The following TEX11 variants were observed in gnomAD, a reference collection of about 807,000 sequenced individuals.
The protein encoded by TEX11 is testis expressed 11.
A neutral mutation model predicts 84.4 loss-of-function variants in TEX11; 7 were observed. The observed-to-expected ratio is 0.08, with a 90% CI of 0.05 to 0.16. TEX11 has a LOEUF of 0.16. Among genes scored for constraint, TEX11 ranks in the 10% least tolerant of loss-of-function variants. The pLI, the probability that TEX11 is intolerant of heterozygous loss-of-function variation, is 1.00. For synonymous variants in TEX11, 264 were observed against 222.8 expected (o/e 1.18, Z -1.64); for missense variants, 551 against 660.5 (o/e 0.83, Z 1.82).
chrX:70,906,082 AAAAAAAAAATATATATAT>A (rs2091830352), intron 2 of TEX11, among the ~76,000 whole-genome samples: 1 of 16,468 alleles, frequency 6.1e-5, no homozygotes, highest in Non-Finnish European at 8.9e-5. Context: ...AAAAAAAAAA[AAAAAAAAAATATATATAT>A]ATATATATAT....
chrX:70,743,758 C>G (rs1217021888), intron 10 of TEX11, among the ~76,000 whole-genome samples: 1 of 108,937 alleles, frequency 9.2e-6, no homozygotes, highest in East Asian at 2.9e-4. Context: ...TGCCTGTAGT[C>G]CTAGCTACTT....
chrX:70,538,939 C>T (rs1210379617), intron 28 of TEX11, among the ~76,000 whole-genome samples: 1 of 100,503 alleles, frequency 9.9e-6, no homozygotes, highest in African/African-American at 3.6e-5. Context: ...TGAAATTGAA[C>T]AAGTAGAAGG....
intron 16 of TEX11, among the ~76,000 whole-genome samples, chrX:70,668,350 G>A (rs144424100): frequency 0.01 from 1,124 of 112,124 alleles, 13 homozygotes; most frequent in African/African-American, 0.034. Flanking sequence ...AGCTAACAAA[G>A]GTTAGACACT....
the TEX11 span, among the ~76,000 whole-genome samples, chrX:70,513,525 A>G: frequency 9.4e-6 from 1 of 106,568 alleles, no homozygotes; most frequent in East Asian, 2.9e-4. Flanking sequence ...GGATTGTCCT[A>G]TGTTGCCCCA....
chrX:70,810,344 G>A (rs751798499), intron 8 of TEX11, among the ~76,000 whole-genome samples: 6 of 111,910 alleles, frequency 5.4e-5, no homozygotes, highest in African/African-American at 1.9e-4. Flanking sequence ...ACATACACAC[G>A]TATGTTTATT....
intron 13 of TEX11, among the ~76,000 whole-genome samples, chrX:70,706,692 T>C (rs1391664588): frequency 4.5e-5 from 5 of 111,359 alleles, no homozygotes; most frequent in Non-Finnish European, 9.4e-5. Context: ...ATGCATATTA[T>C]TTTATCTCTG....
intron 28 of TEX11, among the ~76,000 whole-genome samples, chrX:70,545,818 G>A (rs972706334): frequency 2.2e-4 from 24 of 111,415 alleles, no homozygotes; most frequent in African/African-American, 6.2e-4. Flanking sequence ...TAGGTGACAG[G>A]AATTTTTCAG....
At chrX:70,745,506 G>A (rs942162244) in intron 9 of TEX11, among the ~76,000 whole-genome samples, 3 of 110,324 alleles carry the variant, frequency 2.7e-5, no homozygotes, top group Non-Finnish European at 5.7e-5. Flanking sequence ...ATCCTGAGGC[G>A]GTTGGATCAC....
chrX:70,751,081 C>G lies in TEX11; in HGVS notation c.693-6862G>C, dbSNP rs1305697410. The stretch of plus-strand genomic sequence containing the variant: ...TGTGGAAGACAGTGTGGCGATACCT[C>G]AAGGATCTAGAACTAGAAATACCAT... On this transcript the variant is annotated intron_variant, in intron 9 of 29. Transcript: ENST00000374333. Among the ~76,000 whole-genome samples the G allele has an allele frequency of 6.8e-5, 7 of 103,308 alleles. No homozygotes were observed. In the East Asian group the frequency reaches 1.6e-3, roughly 23 times the overall value. 89.7% of individuals were successfully genotyped at this position (103,308 alleles called of 115,157 possible). A position where few individuals can be genotyped will look rare whatever the true frequency, so the allele number is the denominator to read the frequency against.
chrX:70,873,050 T>C (rs1380211705), intron 4 of TEX11, among the ~76,000 whole-genome samples, 173 bp downstream of exon 4: 1 of 111,537 alleles, frequency 9.0e-6, no homozygotes, highest in East Asian at 2.8e-4. Context: ...AAAAAAATCA[T>C]AAAACTGAGG....
chrX:70,607,128 AAC>A, intron 22 of TEX11, 99 bp from the exon 23 acceptor site: 5 of 582,534 alleles, frequency 8.6e-6, no homozygotes, highest in Non-Finnish European at 5.2e-6. Flanking sequence ...CTTTGATATT[AAC>A]ATACTAGTAA....
chrX:70,644,473 G>A (rs1245228195), intron 17 of TEX11, among the ~76,000 whole-genome samples: 3 of 107,989 alleles, frequency 2.8e-5, no homozygotes, highest in African/African-American at 6.8e-5. Context: ...ACATGCACAC[G>A]TACGTTTATT....
At chrX:70,608,807 G>A (rs926584547) in intron 22 of TEX11, among the ~76,000 whole-genome samples, 15 of 109,875 alleles carry the variant, frequency 1.4e-4, no homozygotes, top group African/African-American at 4.0e-4. Flanking sequence ...AGGACCTGTA[G>A]TTACAGTTCA....
chrX:70,579,522 A>C (rs9803542), intron 25 of TEX11, among the ~76,000 whole-genome samples: 8 of 12,746 alleles, frequency 6.3e-4, no homozygotes, highest in Non-Finnish European at 9.7e-4. Context: ...AAAAAAACAA[A>C]AAAAAAAAAA....
At chrX:70,592,122 C>T (rs1186901499) in intron 24 of TEX11, among the ~76,000 whole-genome samples, 3 of 111,280 alleles carry the variant, frequency 2.7e-5, no homozygotes, top group African/African-American at 6.5e-5. Context: ...TCCATGGATC[C>T]TCTCCTCAGC....
At chrX:70,907,908 G>A (rs1435144863) in intron 1 of TEX11, 98 bp from the exon 2 acceptor site, 4 of 579,874 alleles carry the variant, frequency 6.9e-6, no homozygotes, top group East Asian at 7.4e-5. Flanking sequence ...GTTATCCAAA[G>A]GGAGAAAAAA....
chrX:70,733,914 A>T (rs941699774), intron 11 of TEX11, among the ~76,000 whole-genome samples: 1 of 111,873 alleles, frequency 8.9e-6, no homozygotes, highest in African/African-American at 3.3e-5. Flanking sequence ...CAAATGTCCA[A>T]CAGTGATAGA....
At chrX:70,728,315 T>C (rs1440372035) in intron 11 of TEX11, among the ~76,000 whole-genome samples, 2 of 112,389 alleles carry the variant, frequency 1.8e-5, no homozygotes, top group Non-Finnish European at 1.9e-5. Flanking sequence ...GGATAGTGGG[T>C]GCAGGACAGT....
rs1035886560 is a variant in TEX11 at position 70,797,725 on chromosome X, C to T, written c.692+8980G>A. Among the ~76,000 whole-genome samples, 34 of 105,547 alleles carry T rather than the reference C, an allele frequency of 3.2e-4. 1 individual carries two copies. The highest frequency in any genetic ancestry group is 1.1e-3 in the African/African-American group (31 of 28,849). The allele number at this position is 105,547 out of a possible 115,157, so 91.7% of individuals were successfully genotyped here. On this transcript the variant is annotated intron_variant, in intron 9 of 29. Coordinates refer to ENST00000374333, the MANE Select transcript of TEX11 (RefSeq NM_031276.3). ...TATAAAAATCAATAAATGTGATACACCATTTGAACAGAATAAAGGATAAAA... is the reference window on the plus strand; with the variant it reads ...TATAAAAATCAATAAATGTGATACATCATTTGAACAGAATAAAGGATAAAA...
Sources: allele counts gnomAD v4.1 joint callset (sites outside exome capture counted in the v4.1 genomes callset), GRCh38; gene constraint gnomAD v4.1.1; transcripts MANE v1.5; gene names NCBI Gene and HGNC (gene_info 2026-07-23, HGNC 2026-07-21).